GRID2: variants seen among roughly 807,000 people sequenced by gnomAD.
The protein encoded by GRID2 is glutamate ionotropic receptor delta type subunit 2, also known as glutamate receptor ionotropic, delta-2.
A neutral mutation model predicts 114.8 loss-of-function variants in GRID2; 33 were observed. The observed-to-expected ratio is 0.29, with a 90% CI of 0.22 to 0.38. The LOEUF (loss-of-function observed/expected upper bound fraction) is 0.38, where lower values mean the gene tolerates loss of function less well. GRID2 is among the 10% of genes least tolerant of loss of function. GRID2 has a pLI of 1.00. For missense variants in GRID2, 1,184 were observed against 1,257.7 expected (o/e 0.94, Z 0.89); for synonymous variants, 505 against 449.9 (o/e 1.12, Z -1.55).
chr4:93,100,243 C>T (rs1731583676), intron 3 of GRID2, among the ~76,000 whole-genome samples: 1 of 151,942 alleles, frequency 6.6e-6, no homozygotes, highest in South Asian at 2.1e-4. Context: ...ATTATGATCT[C>T]ATGCTCAGAT....
intron 2 of GRID2, among the ~76,000 whole-genome samples, chr4:92,823,209 A>T (rs1741417624): frequency 1.3e-5 from 2 of 152,138 alleles, no homozygotes; most frequent in African/African-American, 4.8e-5. Context: ...TATGGAGAAA[A>T]GAAGTTGTCT....
intron 8 of GRID2, among the ~76,000 whole-genome samples, chr4:93,389,803 C>CT (rs1244336633): frequency 8.3e-6 from 1 of 120,904 alleles, no homozygotes; most frequent in South Asian, 2.6e-4. Flanking sequence ...TTTTTTTTTT[C>CT]TTTTTTTGAG....
chr4:92,964,861 A>G (rs570652917), intron 2 of GRID2, among the ~76,000 whole-genome samples: 4 of 152,152 alleles, frequency 2.6e-5, no homozygotes, highest in East Asian at 1.9e-4. Flanking sequence ...AACTTTCTCC[A>G]TATCAGCAAA....
chr4:93,442,706 A>G (rs1364448106), intron 10 of GRID2, among the ~76,000 whole-genome samples: 1 of 151,994 alleles, frequency 6.6e-6, no homozygotes, highest in Non-Finnish European at 1.5e-5. Flanking sequence ...GACTCATCCC[A>G]TCTTATGGAT....
intron 13 of GRID2, among the ~76,000 whole-genome samples, chr4:93,574,778 CA>C (rs1223724103): frequency 2.0e-5 from 3 of 152,140 alleles, no homozygotes; most frequent in African/African-American, 7.2e-5. Flanking sequence ...AAAAGATATT[CA>C]AAAACTTTAT....
At chr4:93,120,017 A>G (rs1438186048) in intron 4 of GRID2, among the ~76,000 whole-genome samples, 1 of 152,210 alleles carries the variant, frequency 6.6e-6, no homozygotes, top group Non-Finnish European at 1.5e-5. Context: ...ACTGGTCGTA[A>G]GAGAAATGCA....
At chr4:92,969,059 C>T (rs545876363) in intron 2 of GRID2, among the ~76,000 whole-genome samples, 2 of 151,480 alleles carry the variant, frequency 1.3e-5, no homozygotes, top group Non-Finnish European at 3.0e-5. Flanking sequence ...TAATATAAGG[C>T]AATAGTAGCA....
chr4:93,677,958 C>G (rs1428904035), intron 14 of GRID2, among the ~76,000 whole-genome samples: 1 of 127,756 alleles, frequency 7.8e-6, no homozygotes, highest in East Asian at 2.4e-4. Flanking sequence ...TGAGAGAAGG[C>G]TTCAGACGAT....
chr4:92,369,213 T>A (rs1260082077), intron 1 of GRID2, among the ~76,000 whole-genome samples: 1 of 152,140 alleles, frequency 6.6e-6, no homozygotes, highest in Non-Finnish European at 1.5e-5. Context: ...CTCAATGACC[T>A]AATAATAGAC....
At chr4:93,504,569 T>A (rs1037401634) in intron 12 of GRID2, among the ~76,000 whole-genome samples, 2 of 152,088 alleles carry the variant, frequency 1.3e-5, no homozygotes, top group Non-Finnish European at 1.5e-5. Context: ...GGGACGAATA[T>A]GTGATAATCA....
chr4:93,343,868 G>A (rs1759915270), intron 8 of GRID2, among the ~76,000 whole-genome samples: 1 of 152,044 alleles, frequency 6.6e-6, no homozygotes. Context: ...TTAGAAATTA[G>A]TGCAGTCTAC....
At chr4:93,254,157 G>T (rs1039993315) in intron 8 of GRID2, among the ~76,000 whole-genome samples, 12 of 151,822 alleles carry the variant, frequency 7.9e-5, no homozygotes, top group African/African-American at 2.9e-4. Context: ...TAATTCAGGT[G>T]CAAAAAATGG....
At chr4:93,490,916 C>T (rs1361772251) in intron 12 of GRID2, 139 bp downstream of exon 12, 2 of 578,554 alleles carry the variant, frequency 3.5e-6, no homozygotes, top group African/African-American at 3.8e-5. Flanking sequence ...TGTGTTACTG[C>T]AAAGTATCAC....
intron 8 of GRID2, among the ~76,000 whole-genome samples, chr4:93,241,688 A>C (rs771852241): frequency 6.6e-6 from 1 of 151,804 alleles, no homozygotes; most frequent in Non-Finnish European, 1.5e-5. Context: ...CAACAAGGCA[A>C]AGCATCCAGA....
intron 1 of GRID2, among the ~76,000 whole-genome samples, chr4:92,547,678 T>C (rs1451359900): frequency 6.6e-6 from 1 of 152,078 alleles, no homozygotes; most frequent in Non-Finnish European, 1.5e-5. Context: ...AACTTTTTTT[T>C]TTTCATTGCT....
chr4:92,576,119 A>G (rs1166668962), intron 1 of GRID2, among the ~76,000 whole-genome samples: 1 of 152,184 alleles, frequency 6.6e-6, no homozygotes, highest in Non-Finnish European at 1.5e-5. Flanking sequence ...TACCAGAGAG[A>G]AGTCAGCACT....
chr4:93,490,509 G>C (rs1481018113), intron 11 of GRID2, 130 bp from the exon 12 acceptor site: 2 of 610,540 alleles, frequency 3.3e-6, no homozygotes, highest in Non-Finnish European at 5.9e-6. Flanking sequence ...AAAATATAGA[G>C]ATCTATGTTG....
chr4:93,727,823 G>A lies in GRID2; in HGVS notation c.2361-41387G>A, dbSNP rs566005151. 1.5e-4 allele frequency among the ~76,000 whole-genome samples: 23 copies of A among 152,266 alleles called. No individual in the cohort carries two copies. The East Asian group carries it at 4.4e-3, about 29-fold the overall frequency. On this transcript the variant is annotated intron_variant, in intron 14 of 15. Coordinates refer to ENST00000282020, the MANE Select transcript of GRID2 (RefSeq NM_001510.4). ...TGGTAGTTTGTATTTCTGGGGATCG[G>A]TGATGATATCCCCTTTATCATTTTT...
intron 8 of GRID2, among the ~76,000 whole-genome samples, chr4:93,290,894 T>C (rs1051441934): frequency 6.8e-6 from 1 of 146,904 alleles, no homozygotes; most frequent in African/African-American, 2.5e-5. Flanking sequence ...TTTTTTTTTT[T>C]TGAGATGGAG....
Sources: allele counts gnomAD v4.1 joint callset (sites outside exome capture counted in the v4.1 genomes callset), GRCh38; gene constraint gnomAD v4.1.1; transcripts MANE v1.5; gene names NCBI Gene and HGNC (gene_info 2026-07-23, HGNC 2026-07-21).